Variants in SMG6 observed in about 807,000 individuals in gnomAD.
SMG6 encodes the protein telomerase-binding protein EST1A.
SMG6 carries 66 observed loss-of-function variants against 142.2 expected under a neutral mutation model. The observed-to-expected ratio is 0.46, with a 90% CI of 0.38 to 0.57. The LOEUF (loss-of-function observed/expected upper bound fraction) is 0.57, where lower values mean the gene tolerates loss of function less well. Ranked by LOEUF, SMG6 falls within the 20% of genes least tolerant of loss-of-function variation. SMG6 has a pLI of 0.00. For synonymous variants in SMG6, 779 were observed against 702.4 expected (o/e 1.11, Z -1.72); for missense variants, 1,793 against 1,832.0 (o/e 0.98, Z 0.39).
intron 16 of SMG6, 116 bp from the exon 17 acceptor site, chr17:2,065,795 A>C: frequency 3.5e-6 from 3 of 850,078 alleles, no homozygotes; most frequent in Non-Finnish European, 3.7e-6. Context: ...TCCTTCCCCC[A>C]CAGGAGTCTT....
Position 2,060,281 on chromosome 17 carries a change from C to T in SMG6, c.*1211G>A, listed in dbSNP as rs1023801108. On this transcript the variant is annotated 3_prime_UTR_variant, in exon 19 of 19. Coordinates refer to ENST00000263073, the MANE Select transcript of SMG6 (RefSeq NM_017575.5). ...GAACTCATTCTTGGTAAGGAAGCCT[C>T]CCCACTGAGGTACCAGCTAAAGGGG... The T allele has an allele frequency of 1.3e-5, 2 of 152,254 alleles. No individual in the cohort carries two copies. The highest frequency in any genetic ancestry group is 2.9e-5 in the Non-Finnish European group (2 of 68,074). The allele number at this position is 152,254 out of a possible 1,614,324, so 9.4% of individuals were successfully genotyped here.
intron 13 of SMG6, among the ~76,000 whole-genome samples, chr17:2,129,790 T>A (rs2070041307): frequency 3.2e-5 from 1 of 31,156 alleles, no homozygotes. Flanking sequence ...CAAGGCTCTG[T>A]CTCAAAAAAA....
intron 11 of SMG6, 45 bp from the exon 12 acceptor site, chr17:2,186,876 C>T (rs1355152895): frequency 1.9e-6 from 3 of 1,597,072 alleles, no homozygotes. Context: ...CTGCTGTAGC[C>T]CCCGAGTGAG....
Position 2,134,889 on chromosome 17 carries a change from T to A in SMG6, c.3357+37769A>T, listed in dbSNP as rs1180463695. ...TTAAAAAGTTTTATTTTAATTTATT[T>A]TTTTTTTTGAGACAGAGTCTCACTC... On this transcript the variant is annotated intron_variant, in intron 13 of 18. Transcript: ENST00000263073. Among the ~76,000 whole-genome samples, 6 of 150,842 alleles carry A rather than the reference T, an allele frequency of 4.0e-5. No individual in the cohort carries two copies. The South Asian group carries it at 1.0e-3, about 26-fold the overall frequency.
chr17:2,242,611 G>A (rs1597690760), intron 9 of SMG6, among the ~76,000 whole-genome samples: 1 of 140,158 alleles, frequency 7.1e-6, no homozygotes, highest in African/African-American at 2.7e-5. Flanking sequence ...ACGAGTTCAA[G>A]GCTATAGTGC....
At chr17:2,280,625 A>G in intron 8 of SMG6, 10 of 981,752 alleles carry the variant, frequency 1.0e-5, no homozygotes, top group Non-Finnish European at 1.2e-5. Flanking sequence ...TCAAAGATTT[A>G]AATTTAAAGA....
rs541239914 is a variant in SMG6, at chr17:2,282,946, G to A, written c.2449-87C>T. On this transcript the variant is annotated intron_variant, in intron 7 of 18. Transcript: ENST00000263073. ...AGCACTTAGAGATGCGGAGGCAGGC[G>A]GATCACTTGAGGTCAGGAGTTTGAG... The A allele has an allele frequency of 3.8e-5, 52 of 1,352,148 alleles. No individual in the cohort carries two copies. The African/African-American group carries it at 5.5e-4, about 14-fold the overall frequency. 83.8% of individuals were successfully genotyped at this position (1,352,148 alleles called of 1,614,324 possible).
intron 13 of SMG6, among the ~76,000 whole-genome samples, chr17:2,086,162 T>A (rs2068555562): frequency 6.6e-6 from 1 of 152,188 alleles, no homozygotes; most frequent in Non-Finnish European, 1.5e-5. Context: ...CAGGGACCAG[T>A]GACAGGTGCC....
At chr17:2,224,661 T>G (rs2073265602) in intron 10 of SMG6, among the ~76,000 whole-genome samples, 1 of 118,218 alleles carries the variant, frequency 8.5e-6, no homozygotes, top group Non-Finnish European at 1.7e-5. Context: ...AGAGAAAGCA[T>G]GGGGAGATGC....
chr17:2,132,638 C>A (rs2070160453), intron 13 of SMG6, among the ~76,000 whole-genome samples: 1 of 152,196 alleles, frequency 6.6e-6, no homozygotes, highest in African/African-American at 2.4e-5. Context: ...TTCCCCAGCA[C>A]AATTTTCTCA....
intron 13 of SMG6, among the ~76,000 whole-genome samples, chr17:2,157,346 T>G (rs911628954): frequency 6.6e-6 from 1 of 152,202 alleles, no homozygotes; most frequent in African/African-American, 2.4e-5. Context: ...ACACAAATGT[T>G]TTCCATTAAA....
At chr17:2,103,664 C>T (rs943718984) in intron 13 of SMG6, among the ~76,000 whole-genome samples, 2 of 152,182 alleles carry the variant, frequency 1.3e-5, no homozygotes, top group East Asian at 1.9e-4. Context: ...GGCTGGCTCT[C>T]GCCCCACGCT....
chr17:2,202,192 GATAA>G (rs1203034186), intron 10 of SMG6, among the ~76,000 whole-genome samples: 1 of 152,192 alleles, frequency 6.6e-6, no homozygotes, highest in Admixed American at 6.5e-5. Context: ...CAAGTGAATG[GATAA>G]ATAAATTGTG....
At chr17:2,287,542 G>T (rs934044632) in intron 6 of SMG6, among the ~76,000 whole-genome samples, 1 of 152,040 alleles carries the variant, frequency 6.6e-6, no homozygotes, top group Non-Finnish European at 1.5e-5. Flanking sequence ...TTCGTTTTCT[G>T]GGTATGTACC....
At chr17:2,170,643 A>C (rs1397318294) in intron 13 of SMG6, among the ~76,000 whole-genome samples, 1 of 152,238 alleles carries the variant, frequency 6.6e-6, no homozygotes, top group Non-Finnish European at 1.5e-5. Context: ...TTTTGTTGGA[A>C]AGGCAAAAAG....
intron 13 of SMG6, among the ~76,000 whole-genome samples, chr17:2,151,266 A>G (rs1334700473): frequency 6.6e-6 from 1 of 152,154 alleles, no homozygotes; most frequent in African/African-American, 2.4e-5. Flanking sequence ...GAACTTTTTA[A>G]CCCATCCCTC....
chr17:2,237,561 C>G, intron 9 of SMG6: 1 of 985,458 alleles, frequency 1.0e-6, no homozygotes, highest in Non-Finnish European at 1.2e-6. Context: ...TCACAAGGCT[C>G]TGCTCATCGG....
At chr17:2,280,160 G>C (rs1286216076) in intron 8 of SMG6, among the ~76,000 whole-genome samples, 1 of 151,518 alleles carries the variant, frequency 6.6e-6, no homozygotes, top group African/African-American at 2.4e-5. Context: ...TACTGTGAGA[G>C]AAAAAAAAGA....
chr17:2,235,457 G>A (rs1267425783), intron 10 of SMG6, among the ~76,000 whole-genome samples: 2 of 152,130 alleles, frequency 1.3e-5, no homozygotes, highest in Non-Finnish European at 2.9e-5. Context: ...TAACCCTTAA[G>A]TACAAACGGG....
Sources: allele counts gnomAD v4.1 joint callset (sites outside exome capture counted in the v4.1 genomes callset), GRCh38; gene constraint gnomAD v4.1.1; transcripts MANE v1.5; gene names NCBI Gene and HGNC (gene_info 2026-07-23, HGNC 2026-07-21).